The following RABGAP1L variants were observed in gnomAD, a reference collection of about 807,000 sequenced individuals.
RABGAP1L encodes RAB GTPase activating protein 1 like.
In RABGAP1L, 63 loss-of-function variants were observed where a neutral mutation model predicts 137.7. That is an observed-to-expected ratio of 0.46 (90% CI 0.37 to 0.56). The LOEUF is 0.56. Among genes scored for constraint, RABGAP1L ranks in the 20% least tolerant of loss-of-function variants. RABGAP1L has a pLI of 0.00. For missense variants in RABGAP1L, 1,095 were observed against 1,244.0 expected, an observed-to-expected ratio of 0.88 and a Z score of 1.80; for synonymous variants, 431 against 433.7, an observed-to-expected ratio of 0.99 and a Z score of 0.08.
At chr1:174,701,674 C>T (rs923411834) in intron 16 of RABGAP1L, among the ~76,000 whole-genome samples, 4 of 149,094 alleles carry the variant, frequency 2.7e-5, no homozygotes, top group African/African-American at 9.9e-5. Context: ...ACCTGGGAGG[C>T]GGAGGTTGCA....
At chr1:174,247,189 T>G (rs1479339910) in intron 5 of RABGAP1L, among the ~76,000 whole-genome samples, 1 of 152,072 alleles carries the variant, frequency 6.6e-6, no homozygotes, top group Non-Finnish European at 1.5e-5. Context: ...TGATCTGACA[T>G]AAAGAATGTG....
chr1:174,320,026 A>G (rs1358960364), intron 11 of RABGAP1L, among the ~76,000 whole-genome samples: 1 of 152,114 alleles, frequency 6.6e-6, no homozygotes, highest in Non-Finnish European at 1.5e-5. Context: ...AGGACATTTG[A>G]CTGATTTTTG....
intron 13 of RABGAP1L, chr1:174,545,248 T>A: frequency 6.5e-6 from 1 of 152,676 alleles, no homozygotes; most frequent in Non-Finnish European, 1.5e-5. Flanking sequence ...TTTGGTGGGC[T>A]CCACCCAGTT....
intron 13 of RABGAP1L, among the ~76,000 whole-genome samples, chr1:174,425,251 A>G (rs1305458799): frequency 6.6e-6 from 1 of 152,044 alleles, no homozygotes; most frequent in Non-Finnish European, 1.5e-5. Flanking sequence ...CCACATTTAT[A>G]ATATCTGCAC....
At chr1:174,751,886 C>G (rs1684364703) in intron 17 of RABGAP1L, among the ~76,000 whole-genome samples, 1 of 152,072 alleles carries the variant, frequency 6.6e-6, no homozygotes, top group Non-Finnish European at 1.5e-5. Flanking sequence ...TTATCAGCAA[C>G]ACTGCCTTGT....
At chr1:174,322,042 C>T (rs1040284419) in intron 11 of RABGAP1L, among the ~76,000 whole-genome samples, 1 of 152,068 alleles carries the variant, frequency 6.6e-6, no homozygotes, top group South Asian at 2.1e-4. Context: ...AATTTGTTTT[C>T]ATTTTCTGAA....
intron 5 of RABGAP1L, among the ~76,000 whole-genome samples, chr1:174,246,549 A>G (rs1672280354): frequency 6.6e-6 from 1 of 152,324 alleles, no homozygotes; most frequent in South Asian, 2.1e-4. Flanking sequence ...CTGAATATCT[A>G]TAGCCTTTTT....
At chr1:174,491,509 T>C (rs1212033290) in intron 13 of RABGAP1L, among the ~76,000 whole-genome samples, 19 of 152,050 alleles carry the variant, frequency 1.2e-4, no homozygotes, top group South Asian at 4.2e-4. Flanking sequence ...GGGGTCCCTT[T>C]TGGAGCCACA....
chr1:174,395,101 A>C (rs746559610), intron 13 of RABGAP1L, among the ~76,000 whole-genome samples: 1 of 152,040 alleles, frequency 6.6e-6, no homozygotes, highest in Non-Finnish European at 1.5e-5. Context: ...AGCTGTACTA[A>C]TATTTGGTGT....
chr1:174,880,933 A>C lies in RABGAP1L; in HGVS notation c.2340+68973A>C, dbSNP rs550126085. On this transcript the variant is annotated intron_variant, in intron 19 of 25. Transcript: ENST00000681986. ...AGCTGAGTCTTCAAAAACTAACAGGAGTTTTCTAGGCCAAAGGAGAAAAGA... is the reference window on the plus strand; with the variant it reads ...AGCTGAGTCTTCAAAAACTAACAGGCGTTTTCTAGGCCAAAGGAGAAAAGA... Among the ~76,000 whole-genome samples, 4 of 152,296 alleles carry C rather than the reference A, an allele frequency of 2.6e-5. No homozygotes were observed. The East Asian group carries it at 5.8e-4, about 22-fold the overall frequency.
At chr1:174,387,089 A>G (rs1009381587) in intron 12 of RABGAP1L, among the ~76,000 whole-genome samples, 4 of 152,234 alleles carry the variant, frequency 2.6e-5, no homozygotes, top group Non-Finnish European at 4.4e-5. Context: ...ATAGAAAACA[A>G]CATAGTTTCT....
At chr1:174,381,247 GA>G (rs1350999791) in intron 12 of RABGAP1L, among the ~76,000 whole-genome samples, 1 of 146,282 alleles carries the variant, frequency 6.8e-6, no homozygotes, top group African/African-American at 2.6e-5. Context: ...GTGTGGTGCT[GA>G]AAAAAATGTA....
chr1:174,855,118 A>G (rs1420350943), intron 19 of RABGAP1L, among the ~76,000 whole-genome samples: 2 of 152,078 alleles, frequency 1.3e-5, no homozygotes, highest in Admixed American at 1.3e-4. Flanking sequence ...GATATTCTCA[A>G]TAAAGAACAA....
intron 13 of RABGAP1L, among the ~76,000 whole-genome samples, chr1:174,585,278 C>A (rs16847237): frequency 0.15 from 22,099 of 152,066 alleles, 3,384 homozygotes; most frequent in African/African-American, 0.38. Context: ...CTACTCTACC[C>A]AGCCATGCTT....
At chr1:174,376,164 GAAAA>G (rs1395278621) in intron 12 of RABGAP1L, among the ~76,000 whole-genome samples, 11 of 138,558 alleles carry the variant, frequency 7.9e-5, no homozygotes, top group African/African-American at 1.1e-4. Context: ...GAGAGAGAAA[GAAAA>G]AGAAAGAAGG....
At chr1:174,306,667 T>G (rs996806990) in intron 11 of RABGAP1L, among the ~76,000 whole-genome samples, 13 of 151,172 alleles carry the variant, frequency 8.6e-5, no homozygotes, top group Non-Finnish European at 1.3e-4. Flanking sequence ...TCAATTCTTG[T>G]TTTTTTTTGT....
intron 21 of RABGAP1L, among the ~76,000 whole-genome samples, chr1:174,970,466 A>G (rs1394405841): frequency 1.3e-5 from 2 of 152,228 alleles, no homozygotes; most frequent in Non-Finnish European, 2.9e-5. Flanking sequence ...GATGCAGTGA[A>G]ATGAGCTAAG....
At chr1:174,196,312 C>T (rs1180820851) in intron 1 of RABGAP1L, among the ~76,000 whole-genome samples, 1 of 151,130 alleles carries the variant, frequency 6.6e-6, no homozygotes. Flanking sequence ...CAAGCTCTGC[C>T]TCCTGGGTTC....
chr1:174,968,183 G>A (rs1454596574), intron 20 of RABGAP1L, among the ~76,000 whole-genome samples: 1 of 152,138 alleles, frequency 6.6e-6, no homozygotes, highest in African/African-American at 2.4e-5. Context: ...ACATTACCTG[G>A]TATGCTATGA....
Sources: allele counts gnomAD v4.1 joint callset (sites outside exome capture counted in the v4.1 genomes callset), GRCh38; gene constraint gnomAD v4.1.1; transcripts MANE v1.5; gene names NCBI Gene and HGNC (gene_info 2026-07-23, HGNC 2026-07-21).